Variants in SORCS2 observed in about 807,000 individuals in gnomAD.
SORCS2 encodes VPS10 domain-containing receptor SorCS2.
Under a neutral mutation model 141.6 loss-of-function variants are expected in SORCS2, and 100 were observed. That is an observed-to-expected ratio of 0.71 (90% CI 0.60 to 0.83). The LOEUF is 0.83. SORCS2 is among the 40% of genes least tolerant of loss of function. The pLI, the probability that SORCS2 is intolerant of heterozygous loss-of-function variation, is 0.00. For missense variants in SORCS2, 1,646 were observed against 1,560.2 expected, an observed-to-expected ratio of 1.05 and a Z score of -0.93; for synonymous variants, 789 against 676.9, an observed-to-expected ratio of 1.17 and a Z score of -2.57.
intron 3 of SORCS2, among the ~76,000 whole-genome samples, chr4:7,539,535 C>T (rs1342926637): frequency 6.6e-6 from 1 of 152,176 alleles, no homozygotes; most frequent in Non-Finnish European, 1.5e-5. Context: ...GCTTCCCCAC[C>T]ACACTGGGCT....
At chr4:7,424,997 C>G (rs1726328857) in intron 2 of SORCS2, among the ~76,000 whole-genome samples, 1 of 152,216 alleles carries the variant, frequency 6.6e-6, no homozygotes, top group Admixed American at 6.5e-5. Context: ...GATCCCTGGC[C>G]TTCTGTGACC....
chr4:7,669,912 T>C (rs960248125), intron 8 of SORCS2, among the ~76,000 whole-genome samples: 1 of 152,260 alleles, frequency 6.6e-6, no homozygotes, highest in Non-Finnish European at 1.5e-5. Context: ...AAGCTTTTTA[T>C]TGAGGAGAGT....
intron 2 of SORCS2, among the ~76,000 whole-genome samples, chr4:7,524,401 G>A (rs1453905519): frequency 6.6e-6 from 1 of 152,086 alleles, no homozygotes; most frequent in Non-Finnish European, 1.5e-5. Flanking sequence ...AGAACTGTGA[G>A]GGGACAAGCC....
chr4:7,587,752 G>A (rs1006931569), intron 3 of SORCS2, among the ~76,000 whole-genome samples: 2 of 152,140 alleles, frequency 1.3e-5, no homozygotes, highest in Non-Finnish European at 2.9e-5. Flanking sequence ...AAACTGGCCC[G>A]TCAGGGACTG....
chr4:7,546,334 C>T (rs970530001), intron 3 of SORCS2, among the ~76,000 whole-genome samples: 11 of 152,164 alleles, frequency 7.2e-5, no homozygotes, highest in Non-Finnish European at 1.0e-4. Context: ...TCCCCGGCAC[C>T]GGCGGGGCTT....
intron 23 of SORCS2, among the ~76,000 whole-genome samples, chr4:7,730,439 T>C (rs1378977190): frequency 1.3e-5 from 2 of 152,100 alleles, no homozygotes; most frequent in Non-Finnish European, 2.9e-5. Flanking sequence ...AACAAAAACA[T>C]ACATCCACAG....
At chr4:7,682,480 G>T (rs911163909) in intron 9 of SORCS2, among the ~76,000 whole-genome samples, 3 of 152,214 alleles carry the variant, frequency 2.0e-5, no homozygotes, top group Non-Finnish European at 4.4e-5. Context: ...GGACCTGGGA[G>T]AACAGCTCAG....
chr4:7,290,790 G>GCATTCTTT (rs1553828726), intron 1 of SORCS2, among the ~76,000 whole-genome samples: 2 of 105,684 alleles, frequency 1.9e-5, no homozygotes, highest in East Asian at 2.2e-4. Context: ...TGCAGAGGCT[G>GCATTCTTT]CATTCTTTCA....
chr4:7,503,248 G>A (rs1454091807), intron 2 of SORCS2, among the ~76,000 whole-genome samples: 1 of 152,182 alleles, frequency 6.6e-6, no homozygotes, highest in African/African-American at 2.4e-5. Flanking sequence ...ACATATATAT[G>A]TCACCCACAC....
intron 1 of SORCS2, among the ~76,000 whole-genome samples, chr4:7,372,375 C>A (rs1461637681): frequency 6.6e-6 from 1 of 152,138 alleles, no homozygotes; most frequent in Non-Finnish European, 1.5e-5. Flanking sequence ...GGCGGGATCT[C>A]AGCTCACTGC....
At chr4:7,675,720 C>T (rs528688923) in intron 8 of SORCS2, among the ~76,000 whole-genome samples, 22 of 152,284 alleles carry the variant, frequency 1.4e-4, no homozygotes, top group African/African-American at 4.6e-4. Context: ...GGAAGAACTC[C>T]GCCTCCCCAC....
chr4:7,574,133 C>T (rs1365281488), intron 3 of SORCS2, among the ~76,000 whole-genome samples: 1 of 152,268 alleles, frequency 6.6e-6, no homozygotes, highest in East Asian at 1.9e-4. Flanking sequence ...TTTCCTTGTT[C>T]TCAGTCAGTT....
intron 5 of SORCS2, among the ~76,000 whole-genome samples, chr4:7,655,835 C>T (rs565575860): frequency 2.6e-5 from 4 of 152,326 alleles, no homozygotes; most frequent in Non-Finnish European, 4.4e-5. Context: ...TGTTCACTCC[C>T]GGGCCAGGCC....
intron 3 of SORCS2, among the ~76,000 whole-genome samples, chr4:7,625,307 C>T (rs1719446956): frequency 6.6e-6 from 1 of 152,122 alleles, no homozygotes; most frequent in African/African-American, 2.4e-5. Context: ...AGCTGGGTCT[C>T]ATGCCAACAT....
chr4:7,732,057 G>A (rs1229060212), intron 23 of SORCS2, among the ~76,000 whole-genome samples: 1 of 152,174 alleles, frequency 6.6e-6, no homozygotes, highest in East Asian at 1.9e-4. Flanking sequence ...CCTCTGACAA[G>A]GGTTCACATC....
At chr4:7,513,174 C>T (rs905705584) in intron 2 of SORCS2, among the ~76,000 whole-genome samples, 3 of 152,190 alleles carry the variant, frequency 2.0e-5, no homozygotes, top group Non-Finnish European at 4.4e-5. Flanking sequence ...TTTCGAATCT[C>T]TAGAATGGGA....
intron 3 of SORCS2, among the ~76,000 whole-genome samples, chr4:7,539,905 C>T (rs886117460): frequency 6.6e-6 from 1 of 151,638 alleles, no homozygotes; most frequent in Admixed American, 6.6e-5. Context: ...CGCCCACTCC[C>T]TGTTGTGGAG....
In SORCS2 at chr4:7,741,917, G is replaced by A. The variant is rs148581544; in HGVS notation, c.*1653G>A. 1,636 of 152,386 alleles carry A rather than the reference G, an allele frequency of 0.011. 16 individuals are homozygous for A. The highest frequency in any genetic ancestry group is 0.014 in the Non-Finnish European group (960 of 68,084). 9.4% of individuals were successfully genotyped at this position (152,386 alleles called of 1,614,324 possible). On this transcript the variant is annotated 3_prime_UTR_variant, in exon 27 of 27. Transcript: ENST00000507866. ...GGTGGGGAGGAGGCACCCGCTCCTT[G>A]TTGAGTAAAACCACCCATGGAGACT...
chr4:7,355,009 A>G (rs12507600), intron 1 of SORCS2, among the ~76,000 whole-genome samples: 3,685 of 148,708 alleles, frequency 0.025, 50 homozygotes, highest in Middle Eastern at 0.056. Context: ...AGAAAAGCAC[A>G]TACATACACA....
Sources: allele counts gnomAD v4.1 joint callset (sites outside exome capture counted in the v4.1 genomes callset), GRCh38; gene constraint gnomAD v4.1.1; transcripts MANE v1.5; gene names NCBI Gene and HGNC (gene_info 2026-07-23, HGNC 2026-07-21).